Variants in TTLL9 observed in about 807,000 individuals in gnomAD.
TTLL9 encodes the protein tubulin tyrosine ligase like 9.
A neutral mutation model predicts 65.6 loss-of-function variants in TTLL9; 47 were observed. The ratio of observed to expected loss-of-function variants is 0.72; its 90% CI spans 0.57 to 0.91. The LOEUF (loss-of-function observed/expected upper bound fraction) is 0.91. Ranked by LOEUF, TTLL9 falls within the 40% of genes least tolerant of loss-of-function variation. The probability of loss-of-function intolerance (pLI) is 0.00; values close to 1 mark genes in which losing one functional copy is unlikely to be tolerated. For missense variants in TTLL9, 537 were observed against 568.8 expected (o/e 0.94, Z 0.57); for synonymous variants, 179 against 204.8 (o/e 0.87, Z 1.07).
chr20:31,906,410 G>A (rs2063560653), intron 4 of TTLL9, among the ~76,000 whole-genome samples: 1 of 152,218 alleles, frequency 6.6e-6, no homozygotes, highest in South Asian at 2.1e-4. Flanking sequence ...GCGGCCTCAC[G>A]GCCCCGCAGC....
chr20:31,911,774 C>T (rs965552132), intron 6 of TTLL9, among the ~76,000 whole-genome samples: 1 of 152,090 alleles, frequency 6.6e-6, no homozygotes, highest in Non-Finnish European at 1.5e-5. Flanking sequence ...TAGCAGCAGA[C>T]ACAACGGCAG....
At chr20:31,909,956 G>GTTGGT in intron 6 of TTLL9, 34 bp downstream of exon 6, 1 of 658,918 alleles carries the variant, frequency 1.5e-6, no homozygotes, top group Non-Finnish European at 2.8e-6. Context: ...GGGTGGGAGG[G>GTTGGT]AATGAGTCCC....
At chr20:31,903,824 G>A (rs895896475) in intron 4 of TTLL9, among the ~76,000 whole-genome samples, 1 of 152,164 alleles carries the variant, frequency 6.6e-6, no homozygotes, top group Non-Finnish European at 1.5e-5. Context: ...GTCAAAGTCA[G>A]GACATTAACA....
intron 4 of TTLL9, among the ~76,000 whole-genome samples, chr20:31,903,620 G>C (rs1364411639): frequency 6.6e-6 from 1 of 152,066 alleles, no homozygotes; most frequent in Non-Finnish European, 1.5e-5. Flanking sequence ...CTTACATCTA[G>C]ATCTTCGATT....
intron 2 of TTLL9, chr20:31,873,026 C>A (rs2062960545): frequency 1.9e-6 from 1 of 518,092 alleles, no homozygotes; most frequent in Admixed American, 1.9e-5. Flanking sequence ...TTATGGGGGC[C>A]ACTGCAGCAG....
At chr20:31,920,395 A>G (rs1344744860) in intron 7 of TTLL9, among the ~76,000 whole-genome samples, 1 of 151,740 alleles carries the variant, frequency 6.6e-6, no homozygotes, top group Non-Finnish European at 1.5e-5. Flanking sequence ...GGGGGCAGCT[A>G]CCTCCCAACC....
chr20:31,897,767 C>T (rs569563657), intron 3 of TTLL9, among the ~76,000 whole-genome samples: 1 of 152,022 alleles, frequency 6.6e-6, no homozygotes, highest in Non-Finnish European at 1.5e-5. Context: ...ACTCCCTACT[C>T]GGCCTTTCCT....
chr20:31,898,289 G>A (rs1174841760), intron 3 of TTLL9, among the ~76,000 whole-genome samples, 184 bp from the exon 4 acceptor site: 1 of 152,196 alleles, frequency 6.6e-6, no homozygotes. Flanking sequence ...TCAATGATTT[G>A]AAGATTCTGT....
chr20:31,885,863 T>C (rs548237147), intron 2 of TTLL9, among the ~76,000 whole-genome samples: 2 of 152,154 alleles, frequency 1.3e-5, no homozygotes, highest in Admixed American at 6.5e-5. Context: ...GAGGGGAGGA[T>C]TGGAAGTCAG....
intron 4 of TTLL9, among the ~76,000 whole-genome samples, chr20:31,907,449 C>T (rs1452973600): frequency 3.3e-5 from 5 of 152,274 alleles, no homozygotes; most frequent in East Asian, 1.9e-4. Context: ...AGGCCGGGCA[C>T]GGTGGCTCAC....
intron 12 of TTLL9, among the ~76,000 whole-genome samples, chr20:31,936,810 C>T (rs892620866): frequency 6.6e-6 from 1 of 152,170 alleles, no homozygotes; most frequent in African/African-American, 2.4e-5. Flanking sequence ...AGTTACCTTT[C>T]TTCAAAGTGG....
intron 11 of TTLL9, 183 bp from the exon 12 acceptor site, chr20:31,934,509 A>G: frequency 6.0e-6 from 4 of 669,758 alleles, no homozygotes; most frequent in Non-Finnish European, 1.1e-5. Flanking sequence ...GTCCTCTTAG[A>G]CATGAAGAAT....
At chr20:31,923,810 G>A (rs2063851200) in intron 8 of TTLL9, among the ~76,000 whole-genome samples, 1 of 151,818 alleles carries the variant, frequency 6.6e-6, no homozygotes, top group Non-Finnish European at 1.5e-5. Flanking sequence ...GCAGCCCCTG[G>A]GCCTCTTCTC....
At chr20:31,934,350 T>C in intron 11 of TTLL9, 1 of 525,738 alleles carries the variant, frequency 1.9e-6, no homozygotes, top group Non-Finnish European at 3.7e-6. Flanking sequence ...CCCTTGTGCA[T>C]ACACAGCCCT....
At chr20:31,914,252 A>C (rs1215223669) in intron 6 of TTLL9, among the ~76,000 whole-genome samples, 1 of 152,192 alleles carries the variant, frequency 6.6e-6, no homozygotes, top group Non-Finnish European at 1.5e-5. Context: ...AATCCAAATA[A>C]CAGTAGCTTA....
At chr20:31,885,670 CTT>C (rs2063178902) in intron 2 of TTLL9, among the ~76,000 whole-genome samples, 2 of 152,202 alleles carry the variant, frequency 1.3e-5, no homozygotes, top group Non-Finnish European at 2.9e-5. Context: ...CTCCGCCGCT[CTT>C]TGAGGGGTAG....
At chr20:31,893,977 A>T (rs542253327) in intron 3 of TTLL9, among the ~76,000 whole-genome samples, 1 of 152,188 alleles carries the variant, frequency 6.6e-6, no homozygotes, top group African/African-American at 2.4e-5. Context: ...GAACAATTTC[A>T]ATTAGACTGT....
intron 7 of TTLL9, among the ~76,000 whole-genome samples, chr20:31,920,993 G>C (rs1478993706): frequency 6.6e-6 from 1 of 152,214 alleles, no homozygotes; most frequent in Non-Finnish European, 1.5e-5. Context: ...GGGCTGGCAG[G>C]TAGAGAAGAA....
In TTLL9 at chr20:31,918,350, G is replaced by A. The variant is rs187295113; in HGVS notation, c.505-1514G>A. The stretch of plus-strand genomic sequence containing the variant: ...CTTCTCTGTTGGTGAACCCTCTGAT[G>A]AAGTTGAGTGCCCGTTCTTTTCTTT... On this transcript the variant is annotated intron_variant, in intron 6 of 14. Coordinates refer to ENST00000535842, the MANE Select transcript of TTLL9 (RefSeq NM_001008409.5). Among the ~76,000 whole-genome samples, 159 of 152,006 alleles carry A rather than the reference G, an allele frequency of 1.0e-3. 1 individual carries two copies. Among genetic ancestry groups the A allele is most frequent in the Non-Finnish European group, 2.6e-4 (18 of 67,974 alleles).
Sources: gnomAD v4.1 joint callset for allele counts (sites outside exome capture counted in the v4.1 genomes callset) on GRCh38, gnomAD v4.1.1 for gene constraint, MANE v1.5 for transcripts, NCBI Gene and HGNC (gene_info 2026-07-23, HGNC 2026-07-21) for gene names.